The following ANKRD17 variants were observed in gnomAD, a reference collection of about 807,000 sequenced individuals.
ANKRD17 encodes the protein ankyrin repeat domain 17, also known as ankyrin repeat domain-containing protein 17.
A neutral mutation model predicts 229.7 loss-of-function variants in ANKRD17; 19 were observed. That is an observed-to-expected ratio of 0.08 (90% CI 0.06 to 0.12). The LOEUF is 0.12. Among genes scored for constraint, ANKRD17 ranks in the 10% least tolerant of loss-of-function variants. The pLI is 1.00. For missense variants in ANKRD17, 2,176 were observed against 3,176.8 expected (o/e 0.68, Z 7.57); for synonymous variants, 1,112 against 1,146.1 (o/e 0.97, Z 0.60).
intron 1 of ANKRD17, among the ~76,000 whole-genome samples, chr4:73,224,007 T>C (rs1194644791): frequency 6.6e-6 from 1 of 152,094 alleles, no homozygotes; most frequent in African/African-American, 2.4e-5. Context: ...ATCCCAGCAC[T>C]TGGGGAGGCT....
At chr4:73,107,226 G>T (rs532434040) in intron 24 of ANKRD17, among the ~76,000 whole-genome samples, 2 of 152,302 alleles carry the variant, frequency 1.3e-5, no homozygotes, top group Non-Finnish European at 2.9e-5. Context: ...TAAAGAATGG[G>T]AGGCAAAAAT....
chr4:73,169,055 C>T (rs1473737252), intron 2 of ANKRD17: 1 of 152,100 alleles, frequency 6.6e-6, no homozygotes, highest in Non-Finnish European at 1.5e-5. Context: ...TGCGTTAATT[C>T]ACTTAGGATA....
intron 24 of ANKRD17, among the ~76,000 whole-genome samples, chr4:73,106,978 A>G (rs557339290): frequency 9.7e-4 from 148 of 152,146 alleles, no homozygotes; most frequent in Non-Finnish European, 1.6e-3. Context: ...ACAGATATGT[A>G]TACAGGTAGA....
chr4:73,183,932 C>T (rs903994124), intron 1 of ANKRD17, among the ~76,000 whole-genome samples: 1 of 152,086 alleles, frequency 6.6e-6, no homozygotes, highest in South Asian at 2.1e-4. Context: ...AATTAGAATT[C>T]TTTTTCACTT....
intron 1 of ANKRD17, among the ~76,000 whole-genome samples, chr4:73,249,818 T>C (rs1744826681): frequency 6.6e-6 from 1 of 152,076 alleles, no homozygotes; most frequent in Non-Finnish European, 1.5e-5. Context: ...ATGGCGCCAC[T>C]GCACTCCAGC....
intron 1 of ANKRD17, among the ~76,000 whole-genome samples, chr4:73,250,798 C>T (rs1255415715): frequency 6.6e-6 from 1 of 151,552 alleles, no homozygotes; most frequent in African/African-American, 2.4e-5. Flanking sequence ...CCTCTGCCTC[C>T]CAGGTTAAAG....
At chr4:73,208,662 A>C (rs1739836706) in intron 1 of ANKRD17, among the ~76,000 whole-genome samples, 1 of 152,228 alleles carries the variant, frequency 6.6e-6, no homozygotes, top group Non-Finnish European at 1.5e-5. Flanking sequence ...CAGTTAAGAC[A>C]GGCAGAATGA....
At chr4:73,138,722 T>A (rs1246015709) in intron 15 of ANKRD17, among the ~76,000 whole-genome samples, 1 of 152,144 alleles carries the variant, frequency 6.6e-6, no homozygotes, top group Non-Finnish European at 1.5e-5. Context: ...TCCTTCTCAG[T>A]ACAGCATTCT....
intron 15 of ANKRD17, among the ~76,000 whole-genome samples, chr4:73,138,540 T>C (rs533892336): frequency 6.6e-6 from 1 of 152,248 alleles, no homozygotes; most frequent in East Asian, 1.9e-4. Context: ...TCATATTTAA[T>C]GCTACTGAAA....
chr4:73,217,003 C>T (rs1400028997), intron 1 of ANKRD17, among the ~76,000 whole-genome samples: 6 of 152,222 alleles, frequency 3.9e-5, no homozygotes, highest in African/African-American at 1.4e-4. Flanking sequence ...GATCAAGTGA[C>T]TTCATATCAG....
At chr4:73,212,136 C>G (rs1461419061) in intron 1 of ANKRD17, among the ~76,000 whole-genome samples, 1 of 152,026 alleles carries the variant, frequency 6.6e-6, no homozygotes, top group Non-Finnish European at 1.5e-5. Flanking sequence ...GTGGGTTGGG[C>G]AGAGGGAAAG....
Position 73,125,186 on chromosome 4 carries a change from A to C in ANKRD17, c.3346+15T>G. 1.3e-6 allele frequency: 2 copies of C among 1,593,346 alleles called. No homozygotes were observed. The highest frequency in any genetic ancestry group is 1.7e-6 in the Non-Finnish European group (2 of 1,173,396). On this transcript the variant is annotated intron_variant, in intron 17 of 33. Transcript: ENST00000358602. ...TGACCAGTATTCCAAAAAATAAAAC[A>C]AAAGTAGGCCCTACCTTTCTTGTCT...
intron 2 of ANKRD17, among the ~76,000 whole-genome samples, chr4:73,172,783 C>T (rs1199705413): frequency 2.0e-5 from 3 of 152,096 alleles, no homozygotes; most frequent in South Asian, 2.1e-4. Context: ...TTGCAAGCCT[C>T]ATGGTAACCT....
intron 10 of ANKRD17, 40 bp downstream of exon 10, chr4:73,146,724 T>C: frequency 7.3e-7 from 1 of 1,373,682 alleles, no homozygotes. Context: ...ATTAATTTCT[T>C]ATTGTTAAAT....
chr4:73,098,615 T>C (rs954960106), intron 25 of ANKRD17, 95 bp from the exon 26 acceptor site: 3 of 1,102,850 alleles, frequency 2.7e-6, no homozygotes, highest in African/African-American at 1.6e-5. Context: ...CCAGGAGAGA[T>C]ACTCTACTAC....
intron 32 of ANKRD17, 117 bp downstream of exon 32, chr4:73,077,238 A>C (rs1560485644): frequency 2.3e-6 from 3 of 1,310,174 alleles, no homozygotes; most frequent in Non-Finnish European, 3.0e-6. Flanking sequence ...GAAATCTAAA[A>C]ATTATTACCC....
At chr4:73,140,779 G>T (rs1249727041) in intron 14 of ANKRD17, among the ~76,000 whole-genome samples, 1 of 152,074 alleles carries the variant, frequency 6.6e-6, no homozygotes, top group Non-Finnish European at 1.5e-5. Flanking sequence ...GAAGTAACAA[G>T]AAATTAAAAT....
chr4:73,185,141 A>AAC (rs1736117682), intron 1 of ANKRD17, among the ~76,000 whole-genome samples: 1 of 152,020 alleles, frequency 6.6e-6, no homozygotes, highest in Non-Finnish European at 1.5e-5. Context: ...CTTTACATTC[A>AAC]ACACTAACCC....
chr4:73,133,291 G>A (rs931459143), intron 16 of ANKRD17, among the ~76,000 whole-genome samples: 3 of 151,210 alleles, frequency 2.0e-5, no homozygotes, highest in Non-Finnish European at 1.5e-5. Context: ...AAAAGACTGG[G>A]GAAAAATAAT....
Sources: allele counts gnomAD v4.1 joint callset (sites outside exome capture counted in the v4.1 genomes callset), GRCh38; gene constraint gnomAD v4.1.1; transcripts MANE v1.5; gene names NCBI Gene and HGNC (gene_info 2026-07-23, HGNC 2026-07-21).